The following GRID1 variants were observed in gnomAD, a reference collection of about 807,000 sequenced individuals.
GRID1 encodes glutamate receptor ionotropic, delta-1.
A neutral mutation model predicts 98.0 loss-of-function variants in GRID1; 28 were observed. The ratio of observed to expected loss-of-function variants is 0.29; its 90% CI spans 0.21 to 0.39. The LOEUF is 0.39. GRID1 is among the 10% of genes least tolerant of loss of function. GRID1 has a pLI of 1.00. For synonymous variants in GRID1, 553 were observed against 538.5 expected, an observed-to-expected ratio of 1.03 and a Z score of -0.37; for missense variants, 1,111 against 1,340.5, an observed-to-expected ratio of 0.83 and a Z score of 2.67.
chr10:86,192,321 C>T lies in GRID1; in HGVS notation c.520+14043G>A, dbSNP rs1845813582. ...GATGGATGAATAGGTCAATAAAATTCTGTCTATCCACACAATGGAATATTA... is the reference window on the plus strand; with the variant it reads ...GATGGATGAATAGGTCAATAAAATTTTGTCTATCCACACAATGGAATATTA... On this transcript the variant is annotated intron_variant, in intron 3 of 15. Transcript: ENST00000327946. This position sits in a 1 kb window ranked among gnomAD's most constrained non-coding sequence, Gnocchi z 4.8. 6.6e-6 allele frequency among the ~76,000 whole-genome samples: 1 copy of T among 152,180 alleles called. No homozygotes were observed. The highest frequency in any genetic ancestry group is 1.5e-5 in the Non-Finnish European group (1 of 68,028).
intron 4 of GRID1, among the ~76,000 whole-genome samples, chr10:85,984,772 T>C (rs1842589141): frequency 6.6e-6 from 1 of 151,900 alleles, no homozygotes; most frequent in Non-Finnish European, 1.5e-5. Context: ...CAAAAGCACA[T>C]AGGTACATTC....
At chr10:86,183,839 G>A (rs1404431987) in intron 3 of GRID1, among the ~76,000 whole-genome samples, 4 of 152,140 alleles carry the variant, frequency 2.6e-5, no homozygotes, top group Admixed American at 6.5e-5. Flanking sequence ...TTAAGAAACC[G>A]CCAAACAGTT....
intron 2 of GRID1, among the ~76,000 whole-genome samples, chr10:86,214,534 C>T (rs754895781): frequency 7.2e-5 from 11 of 152,178 alleles, no homozygotes; most frequent in East Asian, 3.8e-4. Flanking sequence ...ACTGCTTACC[C>T]GCCCCCCTGA....
At chr10:85,635,604 C>G (rs547031653) in intron 13 of GRID1, among the ~76,000 whole-genome samples, 1 of 152,324 alleles carries the variant, frequency 6.6e-6, no homozygotes, top group East Asian at 1.9e-4. Context: ...TACCTCTGCC[C>G]TCAGCCAGCC....
intron 8 of GRID1, among the ~76,000 whole-genome samples, chr10:85,787,696 C>T (rs1842442065): frequency 6.6e-6 from 1 of 152,186 alleles, no homozygotes; most frequent in Non-Finnish European, 1.5e-5. Context: ...AAATCCTCAG[C>T]TCAGCACACT....
At chr10:86,330,023 T>A (rs149383904) in intron 2 of GRID1, among the ~76,000 whole-genome samples, 307 of 152,200 alleles carry the variant, frequency 2.0e-3, no homozygotes, top group African/African-American at 7.2e-3. Context: ...CAGCAGGACT[T>A]TCCTCCCCTC....
chr10:85,959,419 T>A (rs538857477), intron 4 of GRID1, among the ~76,000 whole-genome samples: 14 of 152,156 alleles, frequency 9.2e-5, no homozygotes, highest in Admixed American at 6.5e-4. Context: ...TGCCTTGAGA[T>A]GTTCAGGGCA....
At chr10:85,628,210 G>A (rs1298139617) in intron 13 of GRID1, among the ~76,000 whole-genome samples, 1 of 151,546 alleles carries the variant, frequency 6.6e-6, no homozygotes, top group Non-Finnish European at 1.5e-5. Flanking sequence ...TGTGTGTATG[G>A]GTGTGTGAGT....
intron 4 of GRID1, among the ~76,000 whole-genome samples, chr10:86,130,277 G>A (rs1202405045): frequency 2.0e-5 from 3 of 152,208 alleles, no homozygotes; most frequent in African/African-American, 7.2e-5. Flanking sequence ...AGGTGACCAA[G>A]GCCAGATTCC....
chr10:86,190,120 T>C (rs2132007679), intron 3 of GRID1, among the ~76,000 whole-genome samples: 1 of 152,238 alleles, frequency 6.6e-6, no homozygotes. Context: ...TTACCTTGAA[T>C]ATCCTCTGTG....
intron 8 of GRID1, among the ~76,000 whole-genome samples, chr10:85,807,118 G>A (rs1160252411): frequency 3.3e-5 from 5 of 152,152 alleles, no homozygotes; most frequent in African/African-American, 1.2e-4. Flanking sequence ...GGGAGGCTGA[G>A]GTGGGTGGAT....
intron 8 of GRID1, among the ~76,000 whole-genome samples, chr10:85,749,866 T>C (rs1460588931): frequency 1.3e-5 from 2 of 152,198 alleles, no homozygotes; most frequent in African/African-American, 4.8e-5. Flanking sequence ...CTAAGTAGAC[T>C]CCCCTACTAA....
chr10:85,877,052 G>C (rs1328459606), intron 5 of GRID1, among the ~76,000 whole-genome samples: 2 of 152,252 alleles, frequency 1.3e-5, no homozygotes, highest in Admixed American at 6.5e-5. Flanking sequence ...GTAAGGCTGG[G>C]GGAGGGGCGC....
intron 8 of GRID1, among the ~76,000 whole-genome samples, chr10:85,763,778 G>GTTTA (rs1445164855): frequency 1.3e-5 from 2 of 152,218 alleles, no homozygotes; most frequent in Non-Finnish European, 2.9e-5. Flanking sequence ...TGACATTTCA[G>GTTTA]TTTAATCAGT....
intron 2 of GRID1, among the ~76,000 whole-genome samples, chr10:86,340,254 A>C (rs994172617): frequency 1.3e-5 from 2 of 152,196 alleles, no homozygotes; most frequent in African/African-American, 4.8e-5. Flanking sequence ...GATGCATAGC[A>C]AGCAAAGCCC....
Position 85,680,507 on chromosome 10 carries a change from C to T in GRID1, c.1998-33110G>A, listed in dbSNP as rs57934225. Among the ~76,000 whole-genome samples, 13 of 152,304 alleles carry T rather than the reference C, an allele frequency of 8.5e-5. No homozygotes were observed. The East Asian group carries it at 1.7e-3, about 20-fold the overall frequency. ...TGGTAAGGATGCAGAGAAAAGGGAA[C>T]GCGTATACATCATTGGTGGGATGTA... is the stretch of plus-strand genomic sequence containing the variant. On this transcript the variant is annotated intron_variant, in intron 12 of 15. Transcript: ENST00000327946.
chr10:86,121,364 CCAA>C (rs879667966), intron 4 of GRID1, among the ~76,000 whole-genome samples: 11 of 149,194 alleles, frequency 7.4e-5, no homozygotes, highest in Non-Finnish European at 1.6e-4. Flanking sequence ...ATCATCACCA[CCAA>C]CACCACCATC....
chr10:85,788,619 G>T (rs1393074206), intron 8 of GRID1, among the ~76,000 whole-genome samples: 2 of 152,176 alleles, frequency 1.3e-5, no homozygotes, highest in African/African-American at 4.8e-5. Context: ...CCTGAGTAGA[G>T]GTCTGGGAAG....
intron 3 of GRID1, among the ~76,000 whole-genome samples, chr10:86,177,450 T>G (rs1022185104): frequency 2.6e-5 from 4 of 151,000 alleles, no homozygotes; most frequent in African/African-American, 9.8e-5. Flanking sequence ...GGGGGGTGGG[T>G]GCATGCATTA....
Sources: allele counts gnomAD v4.1 joint callset (sites outside exome capture counted in the v4.1 genomes callset), GRCh38; gene constraint gnomAD v4.1.1; non-coding constraint Gnocchi (gnomAD v3.1); transcripts MANE v1.5; gene names NCBI Gene and HGNC (gene_info 2026-07-23, HGNC 2026-07-21).